The following TNR variants were observed in gnomAD, a reference collection of about 807,000 sequenced individuals.
TNR encodes the protein tenascin R.
Under a neutral mutation model 150.4 loss-of-function variants are expected in TNR, and 45 were observed. That is an observed-to-expected ratio of 0.30 (90% CI 0.24 to 0.38). The LOEUF (loss-of-function observed/expected upper bound fraction) is 0.38. TNR is among the 10% of genes least tolerant of loss of function. The pLI is 1.00. For synonymous variants in TNR, 687 were observed against 678.4 expected (o/e 1.01, Z -0.20); for missense variants, 1,544 against 1,759.1 (o/e 0.88, Z 2.19).
chr1:175,591,959 T>C (rs532831498), intron 1 of TNR, among the ~76,000 whole-genome samples: 1 of 152,330 alleles, frequency 6.6e-6, no homozygotes, highest in South Asian at 2.1e-4. Context: ...GGAATCTAAG[T>C]GACCAAGATA....
intron 1 of TNR, among the ~76,000 whole-genome samples, chr1:175,740,752 C>A (rs1241630964): frequency 2.0e-5 from 3 of 152,192 alleles, no homozygotes; most frequent in African/African-American, 7.2e-5. Flanking sequence ...CAGAGCCCAG[C>A]CCTCTCCTGC....
At chr1:175,695,404 T>G (rs1666486145) in intron 1 of TNR, among the ~76,000 whole-genome samples, 1 of 152,230 alleles carries the variant, frequency 6.6e-6, no homozygotes, top group Admixed American at 6.5e-5. Flanking sequence ...GAATCAGAAC[T>G]GCACAGCTAA....
At chr1:175,509,119 ACCAG>A in intron 2 of TNR, among the ~76,000 whole-genome samples, 2 of 152,144 alleles carry the variant, frequency 1.3e-5, no homozygotes, top group Middle Eastern at 6.8e-3. Context: ...CTAGCAGGAA[ACCAG>A]TATGAGCCAT....
chr1:175,506,263 T>A (rs185755360), intron 2 of TNR, among the ~76,000 whole-genome samples: 12 of 152,210 alleles, frequency 7.9e-5, no homozygotes. Flanking sequence ...GCCTTTCTGT[T>A]ATATTTGTTC....
chr1:175,435,146 A>G (rs1233005961), intron 2 of TNR, among the ~76,000 whole-genome samples: 2 of 152,224 alleles, frequency 1.3e-5, no homozygotes, highest in African/African-American at 4.8e-5. Context: ...TTGGCTGCTT[A>G]TGCAGAATGG....
At chr1:175,355,398 G>A in intron 17 of TNR, 105 bp downstream of exon 17, 2 of 1,471,604 alleles carry the variant, frequency 1.4e-6, no homozygotes, top group Non-Finnish European at 1.8e-6. Flanking sequence ...CTTGTGGATT[G>A]CTTCCTTCCC....
chr1:175,547,009 TAGTACTTTGTAC>T (rs1205141232), intron 1 of TNR, among the ~76,000 whole-genome samples: 1 of 152,208 alleles, frequency 6.6e-6, no homozygotes, highest in Non-Finnish European at 1.5e-5. Flanking sequence ...GCACTTTGTA[TAGTACTTTGTAC>T]AGTACTTTGT....
At chr1:175,416,567 T>C (rs1251689599) in intron 2 of TNR, among the ~76,000 whole-genome samples, 4 of 152,242 alleles carry the variant, frequency 2.6e-5, no homozygotes, top group African/African-American at 7.2e-5. Flanking sequence ...AAGAGTCATA[T>C]TACCTTTCAT....
In TNR at chr1:175,714,936, A is replaced by T. The variant is rs180723162; in HGVS notation, c.-165+28290T>A. The stretch of plus-strand genomic sequence containing the variant: ...GAGAGGCAGTCCCCAAAGAGATCCC[A>T]GGGCAGAACTGGTAGGGGGCATGGG... On this transcript the variant is annotated intron_variant, in intron 1 of 22. Transcript: ENST00000367674. Among the ~76,000 whole-genome samples the T allele has an allele frequency of 1.1e-3, 164 of 152,288 alleles. 2 individuals are homozygous for T. Among genetic ancestry groups the T allele is most frequent in the African/African-American group, 3.9e-3 (161 of 41,574 alleles).
intron 1 of TNR, among the ~76,000 whole-genome samples, chr1:175,696,797 T>G (rs889595122): frequency 4.0e-5 from 6 of 151,152 alleles, no homozygotes; most frequent in African/African-American, 1.5e-4. Flanking sequence ...GAAAATTGTT[T>G]GAACCCAGGA....
intron 1 of TNR, among the ~76,000 whole-genome samples, chr1:175,646,473 T>C (rs1472173610): frequency 6.6e-6 from 1 of 152,234 alleles, no homozygotes; most frequent in Non-Finnish European, 1.5e-5. Context: ...GCTTTACCAT[T>C]AGAGACTCCC....
At chr1:175,367,608 G>A (rs957560534) in intron 9 of TNR, among the ~76,000 whole-genome samples, 5 of 152,178 alleles carry the variant, frequency 3.3e-5, no homozygotes, top group African/African-American at 4.8e-5. Flanking sequence ...TATGCTTAGC[G>A]TCTCAGGTTG....
intron 2 of TNR, among the ~76,000 whole-genome samples, chr1:175,483,818 G>A (rs1462419768): frequency 1.3e-5 from 2 of 152,164 alleles, no homozygotes; most frequent in African/African-American, 4.8e-5. Context: ...AGGCTAGAGG[G>A]CTCTTGGAGG....
At chr1:175,607,111 C>T (rs1444219065) in intron 1 of TNR, among the ~76,000 whole-genome samples, 3 of 152,222 alleles carry the variant, frequency 2.0e-5, no homozygotes, top group African/African-American at 4.8e-5. Context: ...GTTAACAAAA[C>T]ATCCATCTAT....
At chr1:175,324,672 A>G (rs1306263133) in intron 21 of TNR, among the ~76,000 whole-genome samples, 153 bp from the exon 22 acceptor site, 1 of 151,740 alleles carries the variant, frequency 6.6e-6, no homozygotes, top group Non-Finnish European at 1.5e-5. Flanking sequence ...CTGAACTCTT[A>G]CTCCACCTTA....
At chr1:175,501,540 C>T (rs1486409972) in intron 2 of TNR, among the ~76,000 whole-genome samples, 40 of 152,158 alleles carry the variant, frequency 2.6e-4, no homozygotes. Flanking sequence ...ATGTCATGCC[C>T]AGACTTTTGA....
intron 2 of TNR, among the ~76,000 whole-genome samples, chr1:175,495,890 G>A (rs377559274): frequency 7.2e-4 from 110 of 152,300 alleles, no homozygotes; most frequent in South Asian, 1.7e-3. Context: ...TTCAGGAGGC[G>A]GAGCAGAATT....
chr1:175,364,410 TA>T (rs1242265738), intron 12 of TNR, among the ~76,000 whole-genome samples: 4 of 152,130 alleles, frequency 2.6e-5, no homozygotes, highest in African/African-American at 4.8e-5. Flanking sequence ...GAGTTCTTGT[TA>T]GTAAGGAGGA....
At chr1:175,666,945 G>A (rs1482264219) in intron 1 of TNR, among the ~76,000 whole-genome samples, 1 of 152,066 alleles carries the variant, frequency 6.6e-6, no homozygotes. Context: ...TAGAGACAGG[G>A]TCTTACTATA....
Sources: gnomAD v4.1 joint callset for allele counts (sites outside exome capture counted in the v4.1 genomes callset) on GRCh38, gnomAD v4.1.1 for gene constraint, MANE v1.5 for transcripts, NCBI Gene and HGNC (gene_info 2026-07-23, HGNC 2026-07-21) for gene names.